Variants in UMAD1 observed in about 807,000 individuals in gnomAD.
The protein encoded by UMAD1 is UBAP1-MVB12-associated (UMA) domain containing 1, also known as UBAP1-MVB12-associated (UMA)-domain containing protein 1.
UMAD1 carries 8 observed loss-of-function variants against 6.1 expected under a neutral mutation model. The ratio of observed to expected loss-of-function variants is 1.30; its 90% CI spans 0.76 to 2.35. The LOEUF (loss-of-function observed/expected upper bound fraction) is 2.35, where lower values mean the gene tolerates loss of function less well. Ranked by LOEUF, UMAD1 falls within the 30% of genes most tolerant of loss-of-function variation. The pLI is 0.00. For synonymous variants in UMAD1, 56 were observed against 31.4 expected, an observed-to-expected ratio of 1.78 and a Z score of -2.61; for missense variants, 130 against 78.4, an observed-to-expected ratio of 1.66 and a Z score of -2.49.
At chr7:7,817,038 G>T (rs6956438) in intron 3 of UMAD1, among the ~76,000 whole-genome samples, 1 of 152,150 alleles carries the variant, frequency 6.6e-6, no homozygotes, top group African/African-American at 2.4e-5. Context: ...CTGTGTAAAC[G>T]TTCAGGTCTG....
intron 2 of UMAD1, among the ~76,000 whole-genome samples, chr7:7,723,408 A>G (rs1206762499): frequency 6.6e-6 from 1 of 152,194 alleles, no homozygotes; most frequent in African/African-American, 2.4e-5. Context: ...TTGCTTGATT[A>G]GCTGAAATGT....
chr7:7,875,321 G>T (rs578026968), intron 3 of UMAD1, among the ~76,000 whole-genome samples: 38 of 152,222 alleles, frequency 2.5e-4, no homozygotes, highest in Non-Finnish European at 4.9e-4. Flanking sequence ...CTAGCAGAAG[G>T]CAAGAAATAA....
intron 2 of UMAD1, among the ~76,000 whole-genome samples, chr7:7,691,470 A>G (rs1228336013): frequency 6.6e-6 from 1 of 152,236 alleles, no homozygotes; most frequent in Non-Finnish European, 1.5e-5. Flanking sequence ...AGTATTTACT[A>G]CTGTCCTGCA....
chr7:7,810,320 A>T (rs1374138939), intron 3 of UMAD1, among the ~76,000 whole-genome samples: 10 of 152,090 alleles, frequency 6.6e-5, no homozygotes, highest in Admixed American at 6.6e-4. Flanking sequence ...AGCCATAAAG[A>T]TGTTAATATA....
chr7:7,661,916 T>C (rs973865836), intron 1 of UMAD1, among the ~76,000 whole-genome samples: 9 of 152,136 alleles, frequency 5.9e-5, no homozygotes, highest in Non-Finnish European at 1.3e-4. Context: ...CAGCTGCCCC[T>C]TCCCCCGAGG....
intron 2 of UMAD1, among the ~76,000 whole-genome samples, chr7:7,747,929 C>T (rs1781603916): frequency 1.3e-5 from 2 of 152,108 alleles, no homozygotes; most frequent in Admixed American, 1.3e-4. Context: ...GAAAACAATG[C>T]ATAATCATCT....
chr7:7,734,435 A>T (rs1458627544), intron 2 of UMAD1, among the ~76,000 whole-genome samples: 1 of 152,198 alleles, frequency 6.6e-6, no homozygotes, highest in East Asian at 1.9e-4. Context: ...GATAATAAGA[A>T]GCTTAATACT....
chr7:7,867,159 G>C (rs1784247361), intron 3 of UMAD1, among the ~76,000 whole-genome samples: 1 of 152,180 alleles, frequency 6.6e-6, no homozygotes, highest in Non-Finnish European at 1.5e-5. Flanking sequence ...AAGGGACTAA[G>C]CTAAGAGCCA....
At chr7:7,664,676 C>G (rs1159439753) in intron 1 of UMAD1, among the ~76,000 whole-genome samples, 1 of 152,168 alleles carries the variant, frequency 6.6e-6, no homozygotes, top group Admixed American at 6.5e-5. Context: ...AAACTCAAGG[C>G]TACCTAGTCT....
chr7:7,788,085 T>C (rs1471092052), intron 2 of UMAD1, among the ~76,000 whole-genome samples: 1 of 152,164 alleles, frequency 6.6e-6, no homozygotes, highest in Non-Finnish European at 1.5e-5. Context: ...TACCAGATGC[T>C]GAGAATACTG....
intron 2 of UMAD1, among the ~76,000 whole-genome samples, chr7:7,791,888 A>G (rs993926484): frequency 2.0e-5 from 3 of 152,248 alleles, no homozygotes; most frequent in African/African-American, 7.2e-5. Flanking sequence ...TAAAAGTTGT[A>G]TAGAAATATG....
chr7:7,845,085 G>T (rs1157557360), intron 3 of UMAD1, among the ~76,000 whole-genome samples: 2 of 152,102 alleles, frequency 1.3e-5, no homozygotes. Context: ...CATTTGTAAT[G>T]TGGGTAGTCT....
intron 2 of UMAD1, among the ~76,000 whole-genome samples, chr7:7,720,023 C>T (rs1473868190): frequency 6.6e-6 from 1 of 152,070 alleles, no homozygotes; most frequent in African/African-American, 2.4e-5. Context: ...TTCCAGTGTA[C>T]CTCAGAGGGA....
chr7:7,666,971 C>T (rs988600924), intron 1 of UMAD1, among the ~76,000 whole-genome samples: 1 of 152,168 alleles, frequency 6.6e-6, no homozygotes, highest in Non-Finnish European at 1.5e-5. Context: ...CCACATCCAG[C>T]TAATTTTTAT....
intron 2 of UMAD1, among the ~76,000 whole-genome samples, chr7:7,679,751 G>A (rs1394392734): frequency 2.1e-5 from 3 of 145,634 alleles, no homozygotes; most frequent in South Asian, 2.1e-4. Context: ...CATATTAAGA[G>A]GCAATAACTC....
intron 2 of UMAD1, among the ~76,000 whole-genome samples, chr7:7,729,061 TA>T (rs1266871254): frequency 6.6e-6 from 1 of 152,168 alleles, no homozygotes; most frequent in Non-Finnish European, 1.5e-5. Flanking sequence ...CATAAGTACA[TA>T]ATGTATTTGT....
chr7:7,859,164 A>C lies in UMAD1; in HGVS notation c.157-18117A>C, dbSNP rs529348009. Among the ~76,000 whole-genome samples, 5 of 152,342 alleles carry C rather than the reference A, an allele frequency of 3.3e-5. No individual in the cohort carries two copies. In the South Asian group the frequency reaches 8.3e-4, roughly 25 times the overall value. On this transcript the variant is annotated intron_variant, in intron 3 of 3. Transcript: ENST00000682710. ...TCCTGATTTCAAGGCATATATTATA[A>C]TAATTTTTCTACATCTGTGTGTTAG...
chr7:7,855,682 C>G (rs1051997997), intron 3 of UMAD1, among the ~76,000 whole-genome samples: 2 of 152,224 alleles, frequency 1.3e-5, no homozygotes, highest in African/African-American at 4.8e-5. Flanking sequence ...GCCCTGAAGA[C>G]ATTTTCCTCA....
chr7:7,656,512 T>C (rs1785347099), intron 1 of UMAD1, among the ~76,000 whole-genome samples: 1 of 152,146 alleles, frequency 6.6e-6, no homozygotes, highest in Non-Finnish European at 1.5e-5. Context: ...TTCCCCTCCC[T>C]GTGTCCATGT....
Sources: allele counts gnomAD v4.1 joint callset (sites outside exome capture counted in the v4.1 genomes callset), GRCh38; gene constraint gnomAD v4.1.1; transcripts MANE v1.5; gene names NCBI Gene and HGNC (gene_info 2026-07-23, HGNC 2026-07-21).